Variants in NT5DC1 observed in about 807,000 individuals in gnomAD.
NT5DC1 encodes the protein 5'-nucleotidase domain containing 1.
NT5DC1 carries 42 observed loss-of-function variants against 59.4 expected under a neutral mutation model. That is an observed-to-expected ratio of 0.71 (90% confidence interval 0.55 to 0.92). The LOEUF is 0.92. Ranked by LOEUF, NT5DC1 falls within the 40% of genes least tolerant of loss-of-function variation. The pLI is 0.00. For missense variants in NT5DC1, 501 were observed against 537.1 expected (o/e 0.93, Z 0.66); for synonymous variants, 172 against 188.1 (o/e 0.91, Z 0.70).
At chr6:116,222,316 C>G (rs1781823190) in intron 7 of NT5DC1, among the ~76,000 whole-genome samples, 1 of 152,130 alleles carries the variant, frequency 6.6e-6, no homozygotes, top group Admixed American at 6.6e-5. Context: ...TTTTTATTAG[C>G]ATAGATAACC....
chr6:116,207,462 T>C (rs1244517670), intron 6 of NT5DC1, among the ~76,000 whole-genome samples: 4 of 151,978 alleles, frequency 2.6e-5, no homozygotes, highest in African/African-American at 4.8e-5. Flanking sequence ...ACCTTATTTT[T>C]CAGATTTTTT....
intron 6 of NT5DC1, among the ~76,000 whole-genome samples, chr6:116,204,558 C>T (rs745896876): frequency 6.6e-6 from 1 of 151,876 alleles, no homozygotes; most frequent in Non-Finnish European, 1.5e-5. Context: ...AAAGCAAACT[C>T]AGTGTAAATA....
At chr6:116,126,831 T>A (rs1358296623) in intron 6 of NT5DC1, among the ~76,000 whole-genome samples, 1 of 152,154 alleles carries the variant, frequency 6.6e-6, no homozygotes, top group Admixed American at 6.5e-5. Context: ...GAAAAAAATT[T>A]TCAAACTTTG....
chr6:116,108,433 C>A lies in NT5DC1; in HGVS notation c.255C>A (p.Leu85=). 1 of 1,589,796 alleles carries A rather than the reference C, an allele frequency of 6.3e-7. No individual in the cohort carries two copies. The highest frequency in any genetic ancestry group is 8.6e-7 in the Non-Finnish European group (1 of 1,157,982). Residue 85 remains leucine, a splice_region_variant and synonymous_variant, in exon 3 of 12, where the codon CTC becomes CTA. Coordinates refer to ENST00000319550, the MANE Select transcript of NT5DC1 (RefSeq NM_152729.3). Reference sequence around the variant, plus strand: ...AACTTGCAAATAATGGCACTGTTCTCAGGTAATAAAACTTAGTTGTGAAGT... The same window carrying A: ...AACTTGCAAATAATGGCACTGTTCTAAGGTAATAAAACTTAGTTGTGAAGT... The part of the protein sequence containing the change: ...FLKLANNGTV[L]RASHGTKMMT...
At chr6:116,240,722 G>A (rs1771695262) in intron 11 of NT5DC1, among the ~76,000 whole-genome samples, 1 of 152,166 alleles carries the variant, frequency 6.6e-6, no homozygotes, top group Admixed American at 6.5e-5. Flanking sequence ...TTAAATAACA[G>A]ATTGACATCT....
At chr6:116,150,265 G>GT (rs1780006203) in intron 6 of NT5DC1, among the ~76,000 whole-genome samples, 1 of 150,822 alleles carries the variant, frequency 6.6e-6, no homozygotes, top group African/African-American at 2.4e-5. Flanking sequence ...TTAAGAAAAT[G>GT]GTTTTTTTTT....
chr6:116,181,910 G>T (rs1423311826), intron 6 of NT5DC1, among the ~76,000 whole-genome samples: 1 of 152,094 alleles, frequency 6.6e-6, no homozygotes, highest in Non-Finnish European at 1.5e-5. Context: ...GGAAACAGTT[G>T]ATGGTGGTTA....
chr6:116,194,305 C>G (rs887705671), intron 6 of NT5DC1, among the ~76,000 whole-genome samples: 61 of 152,144 alleles, frequency 4.0e-4, no homozygotes, highest in African/African-American at 1.5e-3. Context: ...TAGCACATTA[C>G]TTGTTTTCAC....
Position 116,239,132 on chromosome 6 carries a change from G to A in NT5DC1, c.1252+9G>A, listed in dbSNP as rs1378252087. On this transcript the variant is annotated intron_variant, in intron 11 of 11. Coordinates refer to ENST00000319550, the MANE Select transcript of NT5DC1 (RefSeq NM_152729.3). ...TATTGAAGCAATCGCAGGTAAGGGG[G>A]AAAATACCTATAAAGCTTCACCTGT... is the stretch of plus-strand genomic sequence containing the variant. 15 of 1,593,546 alleles carry A rather than the reference G, an allele frequency of 9.4e-6. No individual in the cohort carries two copies. The highest frequency in any genetic ancestry group is 1.3e-5 in the Non-Finnish European group (15 of 1,164,716).
At chr6:116,102,601 A>G (rs561615859) in intron 1 of NT5DC1, among the ~76,000 whole-genome samples, 17 of 152,222 alleles carry the variant, frequency 1.1e-4, no homozygotes, top group Non-Finnish European at 2.2e-4. Context: ...GTGATCATAA[A>G]ATTTCAGAAT....
At chr6:116,121,614 C>T (rs1437932973) in intron 6 of NT5DC1, 1 of 1,613,880 alleles carries the variant, frequency 6.2e-7, no homozygotes, top group Non-Finnish European at 8.5e-7. Context: ...CCCCTGGGTC[C>T]TGGGGCTCCT....
chr6:116,172,331 T>G (rs1309937291), intron 6 of NT5DC1, among the ~76,000 whole-genome samples: 1 of 147,718 alleles, frequency 6.8e-6, no homozygotes, highest in East Asian at 1.9e-4. Flanking sequence ...TTTTTTTTTT[T>G]TTTTTTTTGA....
intron 2 of NT5DC1, among the ~76,000 whole-genome samples, chr6:116,107,488 C>G (rs1461179879): frequency 2.0e-5 from 3 of 151,438 alleles, no homozygotes; most frequent in African/African-American, 7.3e-5. Flanking sequence ...TCCCACAAGT[C>G]TTTTACAGTA....
At position 116,210,233 on chromosome 6, in the gene NT5DC1, A is replaced by G. The variant is rs1046322138; in HGVS notation, c.530-10821A>G. Reference sequence around the variant, plus strand: ...CTTAAAAGACTTTCCACATTGCAAGATTTTAAATAAATTTATATGTAAGGT... The same window carrying G: ...CTTAAAAGACTTTCCACATTGCAAGGTTTTAAATAAATTTATATGTAAGGT... On this transcript the variant is annotated intron_variant, in intron 6 of 11. Transcript: ENST00000319550. 2.0e-5 allele frequency among the ~76,000 whole-genome samples: 3 copies of G among 152,018 alleles called. No homozygotes were observed. The South Asian group carries it at 6.2e-4, about 31-fold the overall frequency.
intron 6 of NT5DC1, among the ~76,000 whole-genome samples, chr6:116,136,717 A>T (rs1307254585): frequency 6.6e-6 from 1 of 152,226 alleles, no homozygotes; most frequent in African/African-American, 2.4e-5. Flanking sequence ...TGCTGTTATC[A>T]TGAGTTTGGA....
chr6:116,190,562 A>ATTT (rs1562157778), intron 6 of NT5DC1, among the ~76,000 whole-genome samples: 1 of 152,026 alleles, frequency 6.6e-6, no homozygotes, highest in Non-Finnish European at 1.5e-5. Context: ...CACAGCTAAA[A>ATTT]TTAAATTGAG....
At chr6:116,186,731 A>T (rs367620231) in intron 6 of NT5DC1, among the ~76,000 whole-genome samples, 3 of 151,662 alleles carry the variant, frequency 2.0e-5, no homozygotes, top group African/African-American at 7.3e-5. Context: ...AGAAATTGTG[A>T]TTGCTTTTTT....
At chr6:116,216,013 T>A (rs77132000) in intron 6 of NT5DC1, among the ~76,000 whole-genome samples, 2 of 152,266 alleles carry the variant, frequency 1.3e-5, no homozygotes, top group East Asian at 3.9e-4. Context: ...TATACACTTT[T>A]TCCAGGAATC....
intron 6 of NT5DC1, among the ~76,000 whole-genome samples, chr6:116,176,476 A>T (rs1337366544): frequency 6.6e-6 from 1 of 152,162 alleles, no homozygotes; most frequent in East Asian, 1.9e-4. Flanking sequence ...CCTCCCTGTG[A>T]CAGTTGAATA....
Sources: gnomAD v4.1 joint callset for allele counts (sites outside exome capture counted in the v4.1 genomes callset) on GRCh38, gnomAD v4.1.1 for gene constraint, MANE v1.5 for transcripts, NCBI Gene and HGNC (gene_info 2026-07-23, HGNC 2026-07-21) for gene names.